Variants in CFAP70 observed in about 807,000 individuals in gnomAD.
CFAP70 encodes the protein cilia and flagella associated protein 70.
A neutral mutation model predicts 137.6 loss-of-function variants in CFAP70; 81 were observed. The ratio of observed to expected loss-of-function variants is 0.59; its 90% CI spans 0.49 to 0.71. The LOEUF is 0.71. CFAP70 is among the 30% of genes least tolerant of loss of function. The pLI is 0.00. For missense variants in CFAP70, 976 were observed against 1,226.7 expected, an observed-to-expected ratio of 0.80 and a Z score of 3.05; for synonymous variants, 382 against 423.6, an observed-to-expected ratio of 0.90 and a Z score of 1.20.
chr10:73,266,553 A>G (rs1197609192), intron 25 of CFAP70, among the ~76,000 whole-genome samples: 1 of 152,198 alleles, frequency 6.6e-6, no homozygotes, highest in Non-Finnish European at 1.5e-5. Context: ...CCTGACTTCA[A>G]AAGGAATGCT....
intron 7 of CFAP70, among the ~76,000 whole-genome samples, chr10:73,334,041 C>T (rs1034143673): frequency 6.6e-6 from 1 of 152,054 alleles, no homozygotes; most frequent in African/African-American, 2.4e-5. Context: ...TTTTTCTGCT[C>T]GATTTTTCTG....
At chr10:73,290,998 G>A (rs973880922) in intron 19 of CFAP70, among the ~76,000 whole-genome samples, 2 of 152,014 alleles carry the variant, frequency 1.3e-5, no homozygotes, top group African/African-American at 4.8e-5. Context: ...CTGTTCTTAG[G>A]GCCAGTACTT....
At chr10:73,254,293 T>A (rs950145415) in intron 26 of CFAP70, 8 of 333,796 alleles carry the variant, frequency 2.4e-5, no homozygotes, top group Non-Finnish European at 4.3e-5. Flanking sequence ...CGGTCATGAT[T>A]TGTACATTTT....
chr10:73,353,813 T>C, intron 2 of CFAP70, 71 bp from the exon 3 acceptor site: 1 of 1,478,034 alleles, frequency 6.8e-7, no homozygotes, highest in East Asian at 2.3e-5. Context: ...TGGTAACCCA[T>C]TTTGATTTGG....
intron 4 of CFAP70, 58 bp downstream of exon 4, chr10:73,348,365 T>C (rs2053905412): frequency 6.4e-7 from 1 of 1,559,494 alleles, no homozygotes; most frequent in Non-Finnish European, 8.8e-7. Flanking sequence ...TATATCTCTC[T>C]GGGGCTAAGT....
chr10:73,256,129 C>A (rs2044467472), intron 26 of CFAP70, among the ~76,000 whole-genome samples: 1 of 152,176 alleles, frequency 6.6e-6, no homozygotes, highest in Non-Finnish European at 1.5e-5. Context: ...GACTGACTCC[C>A]AGGCTATCTT....
At chr10:73,277,268 T>G (rs761081470) in exon 21 of CFAP70, 1 of 1,614,020 alleles carries the variant, frequency 6.2e-7, no homozygotes. Context: ...CATCAAGAAA[T>G]GTATGGTCTC....
chr10:73,293,395 A>G lies in CFAP70; in HGVS notation c.1645-7T>C. The G allele has an allele frequency of 6.3e-7, 1 of 1,583,412 alleles. No individual in the cohort carries two copies. Among genetic ancestry groups the G allele is most frequent in the Admixed American group, 1.9e-5 (1 of 53,576 alleles). ...GGACATCATCTGGCATGGTCTTGTC[A>G]ATGTCAAGATGTTAGGTAGACAAAA... On this transcript the variant is annotated splice_polypyrimidine_tract_variant and splice_region_variant and intron_variant, in intron 15 of 26. Transcript: ENST00000310715.
At chr10:73,315,233 A>C (rs1386233931) in intron 9 of CFAP70, among the ~76,000 whole-genome samples, 1 of 149,956 alleles carries the variant, frequency 6.7e-6, no homozygotes, top group Admixed American at 6.7e-5. Context: ...AAAAAAAAAA[A>C]AAACAGCTTT....
At chr10:73,362,689 G>C (rs2055061620), upstream of CFAP70, among the ~76,000 whole-genome samples, 1 of 152,018 alleles carries the variant, frequency 6.6e-6, no homozygotes, top group Non-Finnish European at 1.5e-5. Flanking sequence ...TTAGGGTTTT[G>C]TGTGTATAAA....
intron 9 of CFAP70, among the ~76,000 whole-genome samples, chr10:73,317,089 G>A (rs1046057531): frequency 2.0e-5 from 3 of 152,110 alleles, no homozygotes; most frequent in Non-Finnish European, 4.4e-5. Flanking sequence ...GCAGTGGCAC[G>A]ATCTTGGCTC....
At chr10:73,345,802 A>C (rs1265974370) in intron 4 of CFAP70, among the ~76,000 whole-genome samples, 1 of 152,194 alleles carries the variant, frequency 6.6e-6, no homozygotes, top group Non-Finnish European at 1.5e-5. Flanking sequence ...CATCTCAAAA[A>C]AAACAAAAGA....
intron 6 of CFAP70, 130 bp from the exon 8 acceptor site, chr10:73,335,654 T>C: frequency 2.0e-6 from 1 of 512,762 alleles, no homozygotes; most frequent in Non-Finnish European, 3.3e-6. Flanking sequence ...TAAGTATGAC[T>C]ACTATTGCAA....
chr10:73,272,503 G>A (rs2046394034), intron 24 of CFAP70, among the ~76,000 whole-genome samples: 2 of 152,126 alleles, frequency 1.3e-5, no homozygotes, highest in African/African-American at 4.8e-5. Flanking sequence ...GAGTTTTTAG[G>A]AGAAGCAGAG....
intron 6 of CFAP70, 130 bp downstream of exon 7, chr10:73,341,269 T>C (rs1265584066): frequency 2.7e-6 from 2 of 744,378 alleles, no homozygotes; most frequent in African/African-American, 1.8e-5. Context: ...GAATTAGATA[T>C]GTGTTTTATT....
exon 24 of CFAP70, chr10:73,273,017 A>C (rs1204421773): frequency 6.5e-7 from 1 of 1,549,538 alleles, no homozygotes; most frequent in Non-Finnish European, 8.7e-7. Context: ...GCCTTTTCAT[A>C]CTGTAGAAAG....
Position 73,275,261 on chromosome 10 carries a change from G to A in CFAP70, c.2673+185C>T, listed in dbSNP as rs1031070049. 1.1e-5 allele frequency: 5 copies of A among 468,812 alleles called. No individual in the cohort carries two copies. The highest frequency in any genetic ancestry group is 1.0e-4 in the African/African-American group (5 of 49,258). The allele number at this position is 468,812 out of a possible 1,614,324, so 29.0% of individuals were successfully genotyped here. ...CCCAAAGTGCTGCGATTACAGTTGT[G>A]AGCCACCGCGCCCAGCCAACTCATG... On this transcript the variant is annotated intron_variant, in intron 22 of 26. Transcript: ENST00000310715. The surrounding 1 kb of genome is among the most constrained non-coding windows in gnomAD (Gnocchi z 4.0).
chr10:73,337,469 G>A (rs2052785387), intron 6 of CFAP70, among the ~76,000 whole-genome samples: 1 of 151,114 alleles, frequency 6.6e-6, no homozygotes, highest in Admixed American at 6.6e-5. Context: ...GGGTGACAGA[G>A]TGAGACTCTG....
chr10:73,361,586 T>C (rs2055011984), upstream of CFAP70, among the ~76,000 whole-genome samples: 1 of 152,152 alleles, frequency 6.6e-6, no homozygotes, highest in Admixed American at 6.5e-5. Context: ...TAAAATCATC[T>C]ACATATGCAA....
Sources: allele counts gnomAD v4.1 joint callset (sites outside exome capture counted in the v4.1 genomes callset), GRCh38; gene constraint gnomAD v4.1.1; non-coding constraint Gnocchi (gnomAD v3.1); transcripts MANE v1.5; gene names NCBI Gene and HGNC (gene_info 2026-07-23, HGNC 2026-07-21).